The following FBXL17 variants were observed in gnomAD, a reference collection of about 807,000 sequenced individuals.
FBXL17 encodes F-box and leucine rich repeat protein 17.
In FBXL17, 22 loss-of-function variants were observed where a neutral mutation model predicts 66.2. The ratio of observed to expected loss-of-function variants is 0.33; its 90% CI spans 0.24 to 0.47. FBXL17 has a LOEUF of 0.47. Among genes scored for constraint, FBXL17 ranks in the 20% least tolerant of loss-of-function variants. The pLI is 1.00. For synonymous variants in FBXL17, 474 were observed against 400.5 expected (o/e 1.18, Z -2.19); for missense variants, 878 against 948.2 (o/e 0.93, Z 0.97).
chr5:108,022,725 C>T (rs1034283364), intron 6 of FBXL17, among the ~76,000 whole-genome samples: 8 of 152,104 alleles, frequency 5.3e-5, no homozygotes, highest in African/African-American at 1.7e-4. Flanking sequence ...ATTAAATATG[C>T]TATAAGCACA....
At chr5:108,153,033 G>A (rs2149997729) in intron 6 of FBXL17, among the ~76,000 whole-genome samples, 1 of 152,178 alleles carries the variant, frequency 6.6e-6, no homozygotes, top group Non-Finnish European at 1.5e-5. Context: ...TTTTATAAGG[G>A]GGAGTTACCC....
chr5:107,997,512 T>C (rs1401213773), intron 7 of FBXL17, among the ~76,000 whole-genome samples: 1 of 152,168 alleles, frequency 6.6e-6, no homozygotes, highest in Non-Finnish European at 1.5e-5. Flanking sequence ...TCGCTATTCA[T>C]TACCCAAGAG....
intron 4 of FBXL17, among the ~76,000 whole-genome samples, chr5:108,244,798 A>G (rs1188734291): frequency 6.6e-6 from 1 of 152,172 alleles, no homozygotes; most frequent in Admixed American, 6.5e-5. Context: ...GTTAAACAAA[A>G]CTTCCAGTTA....
At chr5:107,956,175 G>A (rs897719764) in intron 7 of FBXL17, among the ~76,000 whole-genome samples, 6 of 152,152 alleles carry the variant, frequency 3.9e-5, no homozygotes, top group Middle Eastern at 3.4e-3. Flanking sequence ...CACACACAAT[G>A]GATGAATGTA....
chr5:108,017,220 G>T (rs1015218860), intron 7 of FBXL17, among the ~76,000 whole-genome samples: 1 of 152,312 alleles, frequency 6.6e-6, no homozygotes, highest in Non-Finnish European at 1.5e-5. Context: ...TAGCACAAAG[G>T]AGAGATAGGT....
At chr5:108,191,222 C>T (rs2150038168) in intron 5 of FBXL17, among the ~76,000 whole-genome samples, 1 of 152,210 alleles carries the variant, frequency 6.6e-6, no homozygotes, top group Non-Finnish European at 1.5e-5. Context: ...AAATTTTATC[C>T]AGCTACATAA....
chr5:107,953,100 TA>T (rs33992401), intron 7 of FBXL17, among the ~76,000 whole-genome samples: 131,482 of 151,350 alleles, frequency 0.87, 57,440 homozygotes, highest in African/African-American at 0.92. Flanking sequence ...TTTCATACTT[TA>T]AAAAAAAAAG....
intron 6 of FBXL17, among the ~76,000 whole-genome samples, chr5:108,176,959 T>C (rs1484860808): frequency 1.3e-5 from 2 of 152,184 alleles, no homozygotes; most frequent in African/African-American, 4.8e-5. Context: ...GAGATTAATT[T>C]TGCCAATTAT....
chr5:108,247,540 T>TA (rs1433174274), intron 4 of FBXL17, among the ~76,000 whole-genome samples: 4 of 152,162 alleles, frequency 2.6e-5, no homozygotes, highest in Non-Finnish European at 5.9e-5. Context: ...GTCATTCTCC[T>TA]AAAAATGTAA....
chr5:108,373,707 G>A (rs548742395), intron 1 of FBXL17, among the ~76,000 whole-genome samples: 17 of 152,252 alleles, frequency 1.1e-4, no homozygotes, highest in Middle Eastern at 3.4e-3. Context: ...CTTGAGCCCA[G>A]GAGTTCAAGA....
intron 6 of FBXL17, among the ~76,000 whole-genome samples, chr5:108,153,127 TC>T (rs1751833823): frequency 1.3e-5 from 2 of 152,278 alleles, no homozygotes; most frequent in South Asian, 2.1e-4. Context: ...TTGTGAGGCC[TC>T]CCCAGCCATG....
At chr5:107,914,281 T>C (rs1750053349) in intron 7 of FBXL17, among the ~76,000 whole-genome samples, 1 of 152,106 alleles carries the variant, frequency 6.6e-6, no homozygotes, top group Non-Finnish European at 1.5e-5. Flanking sequence ...CTTTGAAAAG[T>C]GAATTTCCTT....
intron 6 of FBXL17, among the ~76,000 whole-genome samples, chr5:108,083,200 C>G (rs1748834545): frequency 6.8e-6 from 1 of 147,734 alleles, no homozygotes; most frequent in Non-Finnish European, 1.5e-5. Context: ...CATGGCTTCT[C>G]CCTCACCCTC....
At chr5:108,264,672 T>C (rs1386900862) in intron 4 of FBXL17, among the ~76,000 whole-genome samples, 1 of 152,146 alleles carries the variant, frequency 6.6e-6, no homozygotes, top group East Asian at 1.9e-4. Context: ...CCTTTCTAAA[T>C]ACATCTCCAG....
chr5:108,363,566 A>G (rs993574240), intron 3 of FBXL17, among the ~76,000 whole-genome samples: 2 of 151,986 alleles, frequency 1.3e-5, no homozygotes, highest in East Asian at 1.9e-4. Flanking sequence ...CACATTCTAG[A>G]GAAGATTTAC....
chr5:108,147,434 G>T (rs1280208884), intron 6 of FBXL17, among the ~76,000 whole-genome samples: 1 of 152,092 alleles, frequency 6.6e-6, no homozygotes, highest in Non-Finnish European at 1.5e-5. Flanking sequence ...TGTAGTCCCA[G>T]CACTTTGGGA....
chr5:107,907,504 A>T (rs1383398357), intron 7 of FBXL17, among the ~76,000 whole-genome samples: 1 of 152,172 alleles, frequency 6.6e-6, no homozygotes, highest in Non-Finnish European at 1.5e-5. Context: ...CATGGAGCCA[A>T]CCAAGCTACA....
chr5:108,353,795 T>C (rs1483469335), intron 3 of FBXL17, among the ~76,000 whole-genome samples: 1 of 152,176 alleles, frequency 6.6e-6, no homozygotes, highest in Non-Finnish European at 1.5e-5. Context: ...GGTAGCCCAG[T>C]GGCACAGACT....
chr5:108,272,779 T>C lies in FBXL17; in HGVS notation c.1507-48551A>G, dbSNP rs920925321. On this transcript the variant is annotated intron_variant, in intron 4 of 8. Transcript: ENST00000542267. ...ATTATATATATGACTAGTGTCCTAA[T>C]TGTAAAGGTCACATCATGAATACAG... 5.9e-5 allele frequency among the ~76,000 whole-genome samples: 9 copies of C among 152,314 alleles called. No individual in the cohort carries two copies. In the East Asian group the frequency reaches 1.2e-3, roughly 20 times the overall value.
Sources: gnomAD v4.1 joint callset for allele counts (sites outside exome capture counted in the v4.1 genomes callset) on GRCh38, gnomAD v4.1.1 for gene constraint, MANE v1.5 for transcripts, NCBI Gene and HGNC (gene_info 2026-07-23, HGNC 2026-07-21) for gene names.